The following GPR160 variants were observed in gnomAD, a reference collection of about 807,000 sequenced individuals.
GPR160 encodes G protein-coupled receptor 160.
GPR160 carries 2 observed loss-of-function variants against 2.6 expected under a neutral mutation model. The ratio of observed to expected loss-of-function variants is 0.77; its 90% CI spans 0.32 to 2.44. GPR160 has a LOEUF of 2.44. Among genes scored for constraint, GPR160 ranks in the 30% most tolerant of loss-of-function variants. The pLI, the probability that GPR160 is intolerant of heterozygous loss-of-function variation, is 0.11. For missense variants in GPR160, 351 were observed against 383.6 expected, an observed-to-expected ratio of 0.91 and a Z score of 0.71; for synonymous variants, 130 against 132.2, an observed-to-expected ratio of 0.98 and a Z score of 0.12.
intron 2 of GPR160, among the ~76,000 whole-genome samples, chr3:170,045,408 CAAAAAAAAAAAAAAAAAAAAAAAA>C (rs368019452): frequency 3.9e-4 from 13 of 33,656 alleles, no homozygotes; most frequent in Non-Finnish European, 4.4e-4. Flanking sequence ...ACTAAAAATA[CAAAAAAAAAAAAAAAAAAAAAAAA>C]AAAAAAAAAA....
At chr3:170,054,758 C>T (rs938313113) in intron 2 of GPR160, among the ~76,000 whole-genome samples, 2 of 151,486 alleles carry the variant, frequency 1.3e-5, no homozygotes, top group African/African-American at 4.8e-5. Flanking sequence ...TAATGTCTTA[C>T]GGGTTCTTCC....
intron 3 of GPR160, among the ~76,000 whole-genome samples, chr3:170,081,214 T>C (rs1212499302): frequency 1.3e-5 from 2 of 152,156 alleles, no homozygotes; most frequent in Admixed American, 1.3e-4. Flanking sequence ...GGACTTCATA[T>C]GGTCTTACTC....
Position 170,085,009 on chromosome 3 carries a change from C to A in GPR160, c.*20C>A. On this transcript the variant is annotated 3_prime_UTR_variant, in exon 4 of 4. Coordinates refer to ENST00000355897, the MANE Select transcript of GPR160 (RefSeq NM_014373.3). ...TGTTAATATTATTAATTAAAAGTTA[C>A]AGCTGTCATAAGATCATAATTTTAT... 1 of 1,245,356 alleles carries A rather than the reference C, an allele frequency of 8.0e-7. No homozygotes were observed. The allele number at this position is 1,245,356 out of a possible 1,614,324, so 77.1% of individuals were successfully genotyped here. A position where few individuals can be genotyped will look rare whatever the true frequency, so the allele number is the denominator to read the frequency against.
At chr3:170,064,514 C>CTTTTTTTTTT (rs1175382810) in intron 2 of GPR160, among the ~76,000 whole-genome samples, 26 of 81,052 alleles carry the variant, frequency 3.2e-4, no homozygotes, top group Non-Finnish European at 4.2e-4. Context: ...CTTTTCTTTT[C>CTTTTTTTTTT]TTTTTTTTTT....
At position 170,081,630 on chromosome 3, in the gene GPR160, CTCATATCAGGG is replaced by C. The variant is rs1389513177; in HGVS notation, c.-69+1735_-69+1745del. Among the ~76,000 whole-genome samples, 4 of 152,098 alleles carry C rather than the reference CTCATATCAGGG, an allele frequency of 2.6e-5. No homozygotes were observed. In the East Asian group the frequency reaches 7.7e-4, roughly 29 times the overall value. ...GGTACATGTGCAGGTTTGTTATAAA[CTCATATCAGGG>C]TGGTTTTCTGCACAGATTATTTTGT... On this transcript the variant is annotated intron_variant, in intron 3 of 3. Transcript: ENST00000355897.
At chr3:170,077,282 T>C (rs1360440605) in intron 2 of GPR160, 1 of 152,232 alleles carries the variant, frequency 6.6e-6, no homozygotes, top group African/African-American at 2.4e-5. Flanking sequence ...CATGAGATTC[T>C]GCAACACAAC....
chr3:170,069,472 A>C (rs1274247961), intron 2 of GPR160, among the ~76,000 whole-genome samples: 5 of 152,220 alleles, frequency 3.3e-5, no homozygotes, highest in Admixed American at 6.5e-5. Context: ...GGTCTATGTG[A>C]ATAGCAGTCT....
intron 2 of GPR160, among the ~76,000 whole-genome samples, chr3:170,040,600 A>T (rs1185369068): frequency 1.3e-5 from 2 of 152,258 alleles, no homozygotes; most frequent in South Asian, 4.1e-4. Flanking sequence ...CGGATTGTAT[A>T]AAACGTGTTA....
chr3:170,084,424 T>C lies in GPR160; in HGVS notation c.452T>C (p.Leu151Pro), dbSNP rs1327825437. 1 of 1,610,032 alleles carries C rather than the reference T, an allele frequency of 6.2e-7. No individual in the cohort carries two copies. The highest frequency in any genetic ancestry group is 8.5e-7 in the Non-Finnish European group (1 of 1,176,340). The change falls in exon 4 of 4, where the codon CTT becomes CCT. Residue 151 changes from leucine to proline, a missense_variant. Physicochemically the swap from Leu to Pro is moderately conservative, Grantham distance 98. Coordinates refer to ENST00000355897, the MANE Select transcript of GPR160 (RefSeq NM_014373.3). Reference protein sequence around the residue: ...FTVILIWISVLAYVLGDPAIY... With the variant: ...FTVILIWISVPAYVLGDPAIY... ...GTAATTTTAATTTGGATTTCAGTCCTTGCTTATGTTTTGGGAGACCCAGCC... is the reference window on the plus strand; with the variant it reads ...GTAATTTTAATTTGGATTTCAGTCCCTGCTTATGTTTTGGGAGACCCAGCC...
chr3:170,042,676 A>AT (rs1716506004), intron 2 of GPR160, among the ~76,000 whole-genome samples: 1 of 146,540 alleles, frequency 6.8e-6, no homozygotes, highest in South Asian at 2.1e-4. Flanking sequence ...AAAAAAAAAA[A>AT]ATAAATAAAT....
chr3:170,070,050 A>G (rs917093589), intron 2 of GPR160, among the ~76,000 whole-genome samples: 7 of 152,092 alleles, frequency 4.6e-5, no homozygotes, highest in Non-Finnish European at 8.8e-5. Context: ...ATATAGTCAC[A>G]TTTGGAGGTG....
rs563892486 is a variant in GPR160, at chr3:170,038,040, G to C, written c.-497G>C. The C allele has an allele frequency of 6.5e-6, 1 of 152,748 alleles. No individual in the cohort carries two copies. The highest frequency in any genetic ancestry group is 1.5e-5 in the Non-Finnish European group (1 of 68,020). 9.5% of individuals were successfully genotyped at this position (152,748 alleles called of 1,614,324 possible). The stretch of plus-strand genomic sequence containing the variant: ...GGCTGAGCCACAGCAGGGTCGCCGC[G>C]GGGTCCCGGGGCCGTGCTCCCCTGC... On this transcript the variant is annotated 5_prime_UTR_variant, in exon 1 of 4. Transcript: ENST00000355897. This position sits in a 1 kb window ranked among gnomAD's most constrained non-coding sequence, Gnocchi z 5.3.
At chr3:170,075,580 C>T (rs1403866293) in intron 2 of GPR160, among the ~76,000 whole-genome samples, 2 of 152,182 alleles carry the variant, frequency 1.3e-5, no homozygotes, top group African/African-American at 4.8e-5. Flanking sequence ...GAGGCTCCAC[C>T]ATCTTGTAAT....
intron 2 of GPR160, among the ~76,000 whole-genome samples, chr3:170,043,415 T>C (rs936350331): frequency 6.6e-6 from 1 of 152,080 alleles, no homozygotes; most frequent in African/African-American, 2.4e-5. Flanking sequence ...ACTCTCGACC[T>C]CAGGTGATCC....
chr3:170,057,403 C>G (rs530379254), intron 2 of GPR160: 2 of 152,042 alleles, frequency 1.3e-5, no homozygotes, highest in African/African-American at 2.4e-5. Context: ...ATGGTTGGCA[C>G]TGGCAATTTT....
chr3:170,084,382 T>A lies in GPR160; in HGVS notation c.410T>A (p.Leu137Ter). 2 of 1,607,748 alleles carry A rather than the reference T, an allele frequency of 1.2e-6. No homozygotes were observed. The highest frequency in any genetic ancestry group is 1.7e-6 in the Non-Finnish European group (2 of 1,174,982). The change falls in exon 4 of 4, where the codon TTA becomes TAA. Residue 137 changes from leucine to a stop codon, truncating the protein, a stop_gained. Transcript: ENST00000355897. LOFTEE classifies it low-confidence loss of function (END_TRUNC). ...TTKLSFKCQKLFYFFTVILIW... is the reference protein window; with the variant it reads ...TTKLSFKCQK ...AAGCTTTCATTTAAGTGTCAAAAATTATTTTATTTCTTTACAGTAATTTTA... is the reference window on the plus strand; with the variant it reads ...AAGCTTTCATTTAAGTGTCAAAAATAATTTTATTTCTTTACAGTAATTTTA...
At chr3:170,048,860 T>C (rs930293853) in intron 2 of GPR160, among the ~76,000 whole-genome samples, 6 of 152,184 alleles carry the variant, frequency 3.9e-5, no homozygotes, top group African/African-American at 1.4e-4. Flanking sequence ...ACCTGGGAGC[T>C]TGTTAGAAAT....
intron 2 of GPR160, among the ~76,000 whole-genome samples, chr3:170,042,420 CAAA>C (rs34452268): frequency 5.8e-5 from 6 of 103,896 alleles, no homozygotes; most frequent in Admixed American, 1.0e-4. Context: ...GATACTGCCT[CAAA>C]AAAAAAAAAA....
intron 2 of GPR160, among the ~76,000 whole-genome samples, chr3:170,042,828 T>TAAA (rs763216364): frequency 1.1e-3 from 122 of 107,990 alleles, no homozygotes; most frequent in East Asian, 5.0e-3. Flanking sequence ...CTCTCTCTCT[T>TAAA]AAAAAAAAAA....
Sources: allele counts gnomAD v4.1 joint callset (sites outside exome capture counted in the v4.1 genomes callset), GRCh38; gene constraint gnomAD v4.1.1; non-coding constraint Gnocchi (gnomAD v3.1); transcripts MANE v1.5; gene names NCBI Gene and HGNC (gene_info 2026-07-23, HGNC 2026-07-21).